The following CAGE1 variants were observed in gnomAD, a reference collection of about 807,000 sequenced individuals.
The protein encoded by CAGE1 is cancer-associated gene 1 protein.
A neutral mutation model predicts 94.9 loss-of-function variants in CAGE1; 66 were observed. The observed-to-expected ratio is 0.70, with a 90% CI of 0.57 to 0.85. The LOEUF (loss-of-function observed/expected upper bound fraction) is 0.85. Among genes scored for constraint, CAGE1 ranks in the 40% least tolerant of loss-of-function variants. The probability of loss-of-function intolerance (pLI) is 0.00; values close to 1 mark genes in which losing one functional copy is unlikely to be tolerated. For missense variants in CAGE1, 865 were observed against 950.4 expected, an observed-to-expected ratio of 0.91 and a Z score of 1.18; for synonymous variants, 319 against 321.0, an observed-to-expected ratio of 0.99 and a Z score of 0.07.
chr6:7,370,761 T>C (rs566335040), intron 5 of CAGE1, among the ~76,000 whole-genome samples: 2 of 152,294 alleles, frequency 1.3e-5, no homozygotes, highest in African/African-American at 4.8e-5. Context: ...ATGAGAGCAA[T>C]TACATCATCA....
chr6:7,332,783 G>C (rs1341230867), intron 12 of CAGE1, among the ~76,000 whole-genome samples: 2 of 152,046 alleles, frequency 1.3e-5, no homozygotes, highest in African/African-American at 4.8e-5. Context: ...TCTTGGATCT[G>C]GCCAAGAGAT....
At chr6:7,348,413 A>G (rs1231321438) in intron 11 of CAGE1, among the ~76,000 whole-genome samples, 55 of 152,166 alleles carry the variant, frequency 3.6e-4, no homozygotes, top group Non-Finnish European at 2.9e-5. Flanking sequence ...GGGACAAAAG[A>G]ATCTAAACAA....
intron 13 of CAGE1, among the ~76,000 whole-genome samples, 176 bp from the exon 14 acceptor site, chr6:7,327,075 CAG>C (rs1430020106): frequency 6.6e-6 from 1 of 152,096 alleles, no homozygotes; most frequent in African/African-American, 2.4e-5. Flanking sequence ...TGTTTTGAGA[CAG>C]AGTCTCACTC....
At chr6:7,354,324 A>G (rs1212086404) in intron 11 of CAGE1, among the ~76,000 whole-genome samples, 1 of 152,138 alleles carries the variant, frequency 6.6e-6, no homozygotes, top group Non-Finnish European at 1.5e-5. Flanking sequence ...ACTTGCCTGC[A>G]TTAGTTTGAA....
intron 11 of CAGE1, among the ~76,000 whole-genome samples, chr6:7,345,391 T>G (rs1318212785): frequency 1.3e-5 from 2 of 152,168 alleles, no homozygotes; most frequent in Non-Finnish European, 2.9e-5. Flanking sequence ...AAACGCCAGA[T>G]GTGCCATCTT....
chr6:7,364,922 C>G (rs1260860563), intron 9 of CAGE1, among the ~76,000 whole-genome samples: 2 of 152,134 alleles, frequency 1.3e-5, no homozygotes, highest in African/African-American at 2.4e-5. Context: ...GTAGACTTAG[C>G]TAATTAACTC....
At chr6:7,334,611 C>T (rs187089577) in intron 11 of CAGE1, among the ~76,000 whole-genome samples, 1 of 150,740 alleles carries the variant, frequency 6.6e-6, no homozygotes, top group Non-Finnish European at 1.5e-5. Context: ...GCCTGTGATC[C>T]CAGCTACTTG....
chr6:7,386,904 A>G, intron 2 of CAGE1, 75 bp downstream of exon 2: 1 of 1,017,342 alleles, frequency 9.8e-7, no homozygotes, highest in Non-Finnish European at 1.5e-6. Flanking sequence ...TATAGTTTTG[A>G]AGAAATTTTC....
intron 4 of CAGE1, among the ~76,000 whole-genome samples, chr6:7,377,429 TC>T (rs1385567213): frequency 6.6e-6 from 1 of 152,170 alleles, no homozygotes; most frequent in Non-Finnish European, 1.5e-5. Flanking sequence ...TCATAGTGTT[TC>T]CCATCAAACT....
intron 11 of CAGE1, among the ~76,000 whole-genome samples, chr6:7,345,458 G>GT (rs1370053269): frequency 6.6e-6 from 1 of 152,176 alleles, no homozygotes; most frequent in Non-Finnish European, 1.5e-5. Flanking sequence ...GTGAGACCAA[G>GT]TAGCCCAAGT....
intron 3 of CAGE1, among the ~76,000 whole-genome samples, chr6:7,381,389 G>A (rs553554638): frequency 6.6e-6 from 1 of 152,196 alleles, no homozygotes. Context: ...GAAAGCAACC[G>A]TGCTGGCACC....
At position 7,373,977 on chromosome 6, in the gene CAGE1, C is replaced by T. The variant is rs142828071; in HGVS notation, c.842G>A (p.Arg281Gln). 3,790 of 1,613,988 alleles carry T rather than the reference C, an allele frequency of 2.3e-3. 70 individuals are homozygous for T. In the African/African-American group the frequency reaches 0.044, roughly 19 times the overall value. The change falls in exon 5 of 14, where the codon CGG becomes CAG. Residue 281 changes from arginine to glutamine, a missense_variant. By Grantham distance (43) the Arg-to-Gln change is conservative. Transcript: ENST00000502583. ...AGISWRSEAC[R>Q]ENCEMPDWEQ... ...CCAGTCAGGCATCTCACAGTTCTCC[C>T]GACATGCTTCACTCCTCCAGGAAAT...
rs1185907278 is a variant in CAGE1, at chr6:7,387,028, T to C, written c.146A>G (p.His49Arg). ...SNLSQGVMLS[H>R]SPICMETTGT... ...GGTGGTTTCCATACAGATTGGAGAA[T>C]GTGAAAGCATTACACCTTGAGAAAG... The change falls in exon 2 of 14, where the codon CAT (histidine) becomes CGT (arginine). Residue 49 changes from histidine (H) to arginine (R), a missense_variant. Transcript: ENST00000502583. The C allele has an allele frequency of 1.9e-6, 3 of 1,551,974 alleles. No individual in the cohort carries two copies. The highest frequency in any genetic ancestry group is 1.2e-5 in the South Asian group (1 of 84,060).
chr6:7,333,646 A>C (rs7454994), intron 12 of CAGE1, among the ~76,000 whole-genome samples: 37,281 of 82,364 alleles, frequency 0.45, 5,565 homozygotes, highest in African/African-American at 0.58. Flanking sequence ...AACTATCTAT[A>C]TATATATATA....
chr6:7,372,298 C>T (rs1272332807), intron 5 of CAGE1, among the ~76,000 whole-genome samples: 2 of 151,872 alleles, frequency 1.3e-5, no homozygotes, highest in African/African-American at 2.4e-5. Context: ...ACGGTGAAAC[C>T]CCATCTCTAC....
chr6:7,335,270 T>C (rs1365557495), intron 11 of CAGE1, among the ~76,000 whole-genome samples: 1 of 152,216 alleles, frequency 6.6e-6, no homozygotes, highest in Non-Finnish European at 1.5e-5. Context: ...TCTTTTGCTA[T>C]ATAAGGTAAT....
intron 4 of CAGE1, among the ~76,000 whole-genome samples, chr6:7,378,385 T>C (rs1760825839): frequency 6.6e-6 from 1 of 152,122 alleles, no homozygotes; most frequent in Non-Finnish European, 1.5e-5. Context: ...AGAATGCATT[T>C]TCCCCAGAGA....
chr6:7,373,852 T>G lies in CAGE1; in HGVS notation c.967A>C (p.Ile323Leu), dbSNP rs1327970086. 6.2e-7 allele frequency: 1 copy of G among 1,613,882 alleles called. No homozygotes were observed. The highest frequency in any genetic ancestry group is 8.5e-7 in the Non-Finnish European group (1 of 1,179,892). Residue 323 changes from isoleucine to leucine, a missense_variant, in exon 5 of 14, where the codon ATC (isoleucine) becomes CTC (leucine). Transcript: ENST00000502583. ...AGGTTACTACACTGGAGTTCTTGGATTCGCACTTCCTGCTTTCTGTTAGTA... is the reference window on the plus strand; with the variant it reads ...AGGTTACTACACTGGAGTTCTTGGAGTCGCACTTCCTGCTTTCTGTTAGTA... ...KHTNRKQEVR[I>L]QELQCSNLYL...
At chr6:7,341,819 G>A (rs1464047396) in intron 11 of CAGE1, 2 of 678,126 alleles carry the variant, frequency 2.9e-6, no homozygotes, top group East Asian at 3.3e-5. Flanking sequence ...TCTGGATCAA[G>A]TCGGGCAGGT....
Sources: gnomAD v4.1 joint callset for allele counts (sites outside exome capture counted in the v4.1 genomes callset) on GRCh38, gnomAD v4.1.1 for gene constraint, MANE v1.5 for transcripts, NCBI Gene and HGNC (gene_info 2026-07-23, HGNC 2026-07-21) for gene names.